The following EXOC6B variants were observed in gnomAD, a reference collection of about 807,000 sequenced individuals.
EXOC6B encodes the protein SEC15 homolog B.
EXOC6B carries 54 observed loss-of-function variants against 113.5 expected under a neutral mutation model. That is an observed-to-expected ratio of 0.48 (90% CI 0.38 to 0.60). EXOC6B has a LOEUF of 0.60. EXOC6B is among the 20% of genes least tolerant of loss of function. The probability of loss-of-function intolerance (pLI) is 0.00; values close to 1 mark genes in which losing one functional copy is unlikely to be tolerated. For missense variants in EXOC6B, 797 were observed against 977.5 expected, an observed-to-expected ratio of 0.82 and a Z score of 2.46; for synonymous variants, 357 against 339.0, an observed-to-expected ratio of 1.05 and a Z score of -0.58.
rs1309220826 is a variant in EXOC6B, at chr2:72,405,769, C to T, written c.1981-25899G>A. Among the ~76,000 whole-genome samples the T allele has an allele frequency of 2.6e-5, 4 of 152,150 alleles. No individual in the cohort carries two copies. The South Asian group carries it at 6.2e-4, about 24-fold the overall frequency. On this transcript the variant is annotated intron_variant, in intron 18 of 21. Coordinates refer to ENST00000272427, the MANE Select transcript of EXOC6B (RefSeq NM_015189.3). Reference sequence around the variant, plus strand: ...AAACATGCCAAATTGTAAAGACCATCGATGCTAGGAAGAAACTGCATCAAC... The same window carrying T: ...AAACATGCCAAATTGTAAAGACCATTGATGCTAGGAAGAAACTGCATCAAC...
intron 6 of EXOC6B, among the ~76,000 whole-genome samples, chr2:72,700,270 A>ACACACACG (rs1288645564): frequency 6.6e-6 from 1 of 151,872 alleles, no homozygotes; most frequent in Non-Finnish European, 1.5e-5. Context: ...ACACACACAC[A>ACACACACG]CAAAGTTATC....
At chr2:72,610,492 C>T (rs1671011541) in intron 6 of EXOC6B, among the ~76,000 whole-genome samples, 1 of 152,022 alleles carries the variant, frequency 6.6e-6, no homozygotes, top group Non-Finnish European at 1.5e-5. Context: ...TAAGTAATTG[C>T]TGAAAATATA....
chr2:72,318,464 G>A (rs1687654044), intron 20 of EXOC6B, among the ~76,000 whole-genome samples: 1 of 151,942 alleles, frequency 6.6e-6, no homozygotes, highest in Non-Finnish European at 1.5e-5. Context: ...TGCGATCTCG[G>A]CCCACTGCAA....
intron 6 of EXOC6B, among the ~76,000 whole-genome samples, chr2:72,644,891 A>G (rs1193923394): frequency 2.0e-5 from 3 of 152,202 alleles, no homozygotes; most frequent in Non-Finnish European, 4.4e-5. Context: ...TAATGGGCAA[A>G]ATAACCAGCT....
intron 18 of EXOC6B, among the ~76,000 whole-genome samples, chr2:72,441,854 AACT>A (rs1257401444): frequency 6.6e-6 from 1 of 152,226 alleles, no homozygotes; most frequent in Non-Finnish European, 1.5e-5. Context: ...TTCCTACTGA[AACT>A]ATTCCAAAAA....
At chr2:72,212,673 A>C (rs1461003928) in intron 20 of EXOC6B, among the ~76,000 whole-genome samples, 1 of 152,236 alleles carries the variant, frequency 6.6e-6, no homozygotes, top group East Asian at 1.9e-4. Context: ...AGCAGAGCTC[A>C]AGCCAAGGAT....
intron 18 of EXOC6B, among the ~76,000 whole-genome samples, chr2:72,455,267 C>T (rs899912533): frequency 8.5e-5 from 13 of 152,086 alleles, no homozygotes; most frequent in African/African-American, 3.1e-4. Flanking sequence ...CATAAGGTGT[C>T]AAAGAAGGGA....
At chr2:72,610,996 C>T (rs1184174554) in intron 6 of EXOC6B, among the ~76,000 whole-genome samples, 1 of 152,030 alleles carries the variant, frequency 6.6e-6, no homozygotes, top group African/African-American at 2.4e-5. Flanking sequence ...TTCAAAAATC[C>T]ATATCCCACT....
intron 8 of EXOC6B, among the ~76,000 whole-genome samples, chr2:72,528,576 A>C (rs762257083): frequency 1.4e-4 from 21 of 152,114 alleles, no homozygotes; most frequent in Non-Finnish European, 2.6e-4. Context: ...ATCTACAAAA[A>C]GCTTGCTGGA....
intron 19 of EXOC6B, among the ~76,000 whole-genome samples, chr2:72,338,803 C>G (rs1044614094): frequency 6.6e-6 from 1 of 152,020 alleles, no homozygotes; most frequent in South Asian, 2.1e-4. Context: ...AAGGCTGCTA[C>G]AGACAGGAAG....
intron 18 of EXOC6B, among the ~76,000 whole-genome samples, chr2:72,387,263 C>T (rs1367494490): frequency 2.0e-5 from 3 of 151,830 alleles, no homozygotes; most frequent in African/African-American, 4.8e-5. Context: ...ATTTTGAGTC[C>T]GTGTTTATGC....
At chr2:72,305,430 C>T (rs1686797612) in intron 20 of EXOC6B, among the ~76,000 whole-genome samples, 1 of 151,184 alleles carries the variant, frequency 6.6e-6, no homozygotes, top group Non-Finnish European at 1.5e-5. Context: ...TCTAGTTGTC[C>T]CTTGTAAACC....
intron 20 of EXOC6B, among the ~76,000 whole-genome samples, chr2:72,300,814 A>G (rs1686468833): frequency 6.6e-6 from 1 of 152,050 alleles, no homozygotes. Context: ...TTCCTGGGTG[A>G]GGCGATGCCC....
At position 72,364,689 on chromosome 2, in the gene EXOC6B, T is replaced by G. The variant is rs1047315110; in HGVS notation, c.2122+15040A>C. On this transcript the variant is annotated intron_variant, in intron 19 of 21. Coordinates refer to ENST00000272427, the MANE Select transcript of EXOC6B (RefSeq NM_015189.3). ...TCAGGCCATAAGATGGGTATTATTC[T>G]TACTCTTCAGTGTTTCTCCCAGTCC... is the stretch of plus-strand genomic sequence containing the variant. Among the ~76,000 whole-genome samples, 15 of 152,314 alleles carry G rather than the reference T, an allele frequency of 9.8e-5. No individual in the cohort carries two copies. The East Asian group carries it at 2.9e-3, about 29-fold the overall frequency.
chr2:72,622,148 G>T (rs1449072957), intron 6 of EXOC6B, among the ~76,000 whole-genome samples: 1 of 149,424 alleles, frequency 6.7e-6, no homozygotes, highest in Non-Finnish European at 1.5e-5. Context: ...ATTAGAATGG[G>T]AAAAGATTAT....
rs1681634569 is a variant in EXOC6B, at chr2:72,745,477, GTAAAACACCCATATT to G, written c.114-4023_114-4009del. On this transcript the variant is annotated intron_variant, in intron 1 of 21. Transcript: ENST00000272427. Reference sequence around the variant, plus strand: ...ATTAAAAAAAAAGAAAGAATAAAACGTAAAACACCCATATTTAAAACAGGGGATAAAGACTATATT... The same window carrying G: ...ATTAAAAAAAAAGAAAGAATAAAACGTAAAACAGGGGATAAAGACTATATT... Among the ~76,000 whole-genome samples, 7 of 151,890 alleles carry G rather than the reference GTAAAACACCCATATT, an allele frequency of 4.6e-5. No individual in the cohort carries two copies. The South Asian group carries it at 1.3e-3, about 27-fold the overall frequency.
At chr2:72,514,940 AACACACACACACAGACACACAC>A in intron 9 of EXOC6B, 81 bp downstream of exon 9, 2 of 1,019,612 alleles carry the variant, frequency 2.0e-6, no homozygotes, top group Non-Finnish European at 1.4e-6. Context: ...AATGACAGTA[AACACACACACACAGACACACAC>A]ACACACACAC....
intron 6 of EXOC6B, among the ~76,000 whole-genome samples, chr2:72,601,875 A>G (rs1670455755): frequency 6.6e-6 from 1 of 152,192 alleles, no homozygotes; most frequent in Non-Finnish European, 1.5e-5. Flanking sequence ...GCAGAGAGGA[A>G]CACTAAAAAT....
intron 6 of EXOC6B, among the ~76,000 whole-genome samples, chr2:72,646,840 T>G (rs1673758536): frequency 1.3e-5 from 2 of 152,162 alleles, no homozygotes; most frequent in South Asian, 4.1e-4. Flanking sequence ...CCACAGCCAA[T>G]ATCATACTGA....
Sources: allele counts gnomAD v4.1 joint callset (sites outside exome capture counted in the v4.1 genomes callset), GRCh38; gene constraint gnomAD v4.1.1; transcripts MANE v1.5; gene names NCBI Gene and HGNC (gene_info 2026-07-23, HGNC 2026-07-21).